The following BSPH1 variants were observed in gnomAD, a reference collection of about 807,000 sequenced individuals.
BSPH1 encodes the protein binder of sperm 1.
In BSPH1, 21 loss-of-function variants were observed where a neutral mutation model predicts 22.5. The observed-to-expected ratio is 0.93, with a 90% CI of 0.66 to 1.35. BSPH1 has a LOEUF of 1.35. Among genes scored for constraint, BSPH1 ranks in the 40% most tolerant of loss-of-function variants. The probability of loss-of-function intolerance (pLI) is 0.00; values close to 1 mark genes in which losing one functional copy is unlikely to be tolerated. For synonymous variants in BSPH1, 42 were observed against 53.6 expected (o/e 0.78, Z 0.95); for missense variants, 141 against 154.2 (o/e 0.91, Z 0.45).
chr19:47,980,115 A>G (rs1969404691), intron 2 of BSPH1, among the ~76,000 whole-genome samples: 2 of 152,166 alleles, frequency 1.3e-5, no homozygotes, highest in South Asian at 4.1e-4. Context: ...AAATAGTGTT[A>G]ATGTAACACC....
intron 5 of BSPH1, among the ~76,000 whole-genome samples, chr19:47,974,684 C>T (rs763638580): frequency 1.3e-5 from 2 of 152,078 alleles, no homozygotes; most frequent in Non-Finnish European, 2.9e-5. Flanking sequence ...CCCACGCTCT[C>T]AATTCCAGGA....
chr19:47,984,940 G>A (rs1166442944), intron 1 of BSPH1, among the ~76,000 whole-genome samples: 1 of 151,748 alleles, frequency 6.6e-6, no homozygotes, highest in African/African-American at 2.4e-5. Context: ...GGTGGTGGGC[G>A]CCTGTAATCC....
chr19:47,977,510 GA>G lies in BSPH1; in HGVS notation c.125-7del, dbSNP rs1292681416. The G allele has an allele frequency of 1.9e-6, 3 of 1,551,284 alleles. No homozygotes were observed. In the East Asian group the frequency reaches 7.3e-5, roughly 38 times the overall value. On this transcript the variant is annotated splice_polypyrimidine_tract_variant and splice_region_variant and intron_variant, in intron 3 of 5. Coordinates refer to ENST00000344839, the MANE Select transcript of BSPH1 (RefSeq NM_001128326.2). ...TGGAAAGACACACTCCCCATCTAGAGAAAACAAAATTCTTCCTCTGTTTCTG... is the reference window on the plus strand; with the variant it reads ...TGGAAAGACACACTCCCCATCTAGAGAAACAAAATTCTTCCTCTGTTTCTG...
Position 47,992,129 on chromosome 19 carries a change from A to G in BSPH1, c.-48T>C, listed in dbSNP as rs986331673. On this transcript the variant is annotated 5_prime_UTR_variant, in exon 1 of 6. Transcript: ENST00000344839. Reference sequence around the variant, plus strand: ...ATCTCAGATCTTCCTGGTCTTTGTCAGCCAGGGCTCAAGAATCCCCTGGAG... The same window carrying G: ...ATCTCAGATCTTCCTGGTCTTTGTCGGCCAGGGCTCAAGAATCCCCTGGAG... 11 of 1,477,312 alleles carry G rather than the reference A, an allele frequency of 7.4e-6. No individual in the cohort carries two copies. In the Admixed American group the frequency reaches 2.2e-4, roughly 29 times the overall value. 91.5% of individuals were successfully genotyped at this position (1,477,312 alleles called of 1,614,324 possible).
chr19:47,975,034 T>G (rs1969348342), intron 5 of BSPH1, among the ~76,000 whole-genome samples: 1 of 152,184 alleles, frequency 6.6e-6, no homozygotes, highest in Admixed American at 6.5e-5. Context: ...CAAATCTGCT[T>G]ATATCCACAT....
chr19:47,989,695 G>A (rs1864017), intron 1 of BSPH1, among the ~76,000 whole-genome samples: 18,579 of 151,938 alleles, frequency 0.12, 1,522 homozygotes, highest in East Asian at 0.34. Flanking sequence ...CCCACCTTCC[G>A]CTTATTTGTG....
chr19:47,991,310 A>T (rs1054432809), intron 1 of BSPH1, among the ~76,000 whole-genome samples: 1 of 151,900 alleles, frequency 6.6e-6, no homozygotes, highest in African/African-American at 2.4e-5. Flanking sequence ...GATGTCCAAG[A>T]TTTTATAGCC....
intron 5 of BSPH1, among the ~76,000 whole-genome samples, chr19:47,970,196 T>A (rs1423855987): frequency 2.0e-5 from 3 of 152,068 alleles, no homozygotes. Flanking sequence ...GTAGCTGAGA[T>A]CACAAGTGCG....
chr19:47,967,898 G>C (rs1382314658), downstream of BSPH1: 1 of 152,156 alleles, frequency 6.6e-6, no homozygotes, highest in Non-Finnish European at 1.5e-5. Flanking sequence ...TATTGAAGGG[G>C]AAGTCATTGA....
chr19:47,980,872 T>A, intron 2 of BSPH1, 49 bp downstream of exon 2: 1 of 1,138,258 alleles, frequency 8.8e-7, no homozygotes, highest in Non-Finnish European at 1.3e-6. Flanking sequence ...CACATTTTAT[T>A]GCAAAAATTT....
intron 5 of BSPH1, among the ~76,000 whole-genome samples, chr19:47,976,322 G>T (rs917031439): frequency 6.6e-6 from 1 of 151,750 alleles, no homozygotes; most frequent in Non-Finnish European, 1.5e-5. Flanking sequence ...GTAGAAACGG[G>T]GTCTTGCTAT....
intron 5 of BSPH1, among the ~76,000 whole-genome samples, chr19:47,968,653 G>A (rs1429537441): frequency 7.6e-6 from 1 of 131,548 alleles, no homozygotes; most frequent in African/African-American, 2.9e-5. Context: ...CTGCACTCCA[G>A]CCTGAGTGAC....
At chr19:47,977,028 C>T (rs1478010261) in intron 4 of BSPH1, among the ~76,000 whole-genome samples, 174 bp from the exon 5 acceptor site, 1 of 152,242 alleles carries the variant, frequency 6.6e-6, no homozygotes, top group Admixed American at 6.5e-5. Flanking sequence ...CACTGGTGCG[C>T]TCACACACAC....
At chr19:47,989,932 A>G (rs1190493924) in intron 1 of BSPH1, among the ~76,000 whole-genome samples, 1 of 151,966 alleles carries the variant, frequency 6.6e-6, no homozygotes, top group Non-Finnish European at 1.5e-5. Flanking sequence ...CAGCCTGGCC[A>G]ACATGGTGGA....
At chr19:47,974,676 C>T (rs760282943) in intron 5 of BSPH1, among the ~76,000 whole-genome samples, 52 of 151,986 alleles carry the variant, frequency 3.4e-4, no homozygotes, top group Non-Finnish European at 6.2e-4. Context: ...CTTGCTCTCC[C>T]ACGCTCTCAA....
intron 1 of BSPH1, among the ~76,000 whole-genome samples, chr19:47,986,097 A>G (rs956631975): frequency 6.6e-6 from 1 of 152,166 alleles, no homozygotes; most frequent in Non-Finnish European, 1.5e-5. Context: ...AGGGAAAAAA[A>G]GCTGCAGTGG....
Position 47,971,196 on chromosome 19 carries a change from G to A in BSPH1, c.*3-2987C>T, listed in dbSNP as rs187984870. 3.3e-5 allele frequency among the ~76,000 whole-genome samples: 5 copies of A among 152,032 alleles called. No homozygotes were observed. In the South Asian group the frequency reaches 8.3e-4, roughly 25 times the overall value. On this transcript the variant is annotated intron_variant, in intron 5 of 5. Coordinates refer to ENST00000344839, the MANE Select transcript of BSPH1 (RefSeq NM_001128326.2). Reference sequence around the variant, plus strand: ...AGCCACTAATTCTCTGTATTTTATCGTTTAATTAATTAATTAATTATTTTT... The same window carrying A: ...AGCCACTAATTCTCTGTATTTTATCATTTAATTAATTAATTAATTATTTTT...
chr19:47,985,497 G>A (rs980613361), intron 1 of BSPH1, among the ~76,000 whole-genome samples: 3 of 152,168 alleles, frequency 2.0e-5, no homozygotes, highest in Non-Finnish European at 2.9e-5. Flanking sequence ...TGAAAGAAAT[G>A]TTAAAAGTTC....
intron 5 of BSPH1, among the ~76,000 whole-genome samples, chr19:47,969,161 C>T (rs1421774570): frequency 2.6e-5 from 4 of 151,888 alleles, no homozygotes; most frequent in Admixed American, 1.3e-4. Flanking sequence ...GGATTTGGCA[C>T]GTTTTTTGAA....
Sources: allele counts gnomAD v4.1 joint callset (sites outside exome capture counted in the v4.1 genomes callset), GRCh38; gene constraint gnomAD v4.1.1; transcripts MANE v1.5; gene names NCBI Gene and HGNC (gene_info 2026-07-23, HGNC 2026-07-21).